The following BBIP1 variants were observed in gnomAD, a reference collection of about 807,000 sequenced individuals.
The protein encoded by BBIP1 is BBSome interacting protein 1, also known as BBSome-interacting protein 1.
BBIP1 carries 6 observed loss-of-function variants against 8.9 expected under a neutral mutation model. That is an observed-to-expected ratio of 0.67 (90% CI 0.37 to 1.33). BBIP1 has a LOEUF of 1.33. Among genes scored for constraint, BBIP1 ranks in the 40% most tolerant of loss-of-function variants. The probability of loss-of-function intolerance (pLI) is 0.02; values close to 1 mark genes in which losing one functional copy is unlikely to be tolerated. For missense variants in BBIP1, 111 were observed against 109.2 expected, an observed-to-expected ratio of 1.02 and a Z score of -0.07; for synonymous variants, 32 against 33.4, an observed-to-expected ratio of 0.96 and a Z score of 0.14.
chr10:110,914,682 G>T (rs1211601459), intron 2 of BBIP1, among the ~76,000 whole-genome samples: 1 of 152,116 alleles, frequency 6.6e-6, no homozygotes, highest in Non-Finnish European at 1.5e-5. Context: ...GAAAAATGTT[G>T]CAACGTGTTC....
chr10:110,909,723 GTA>G (rs1846230332), intron 2 of BBIP1, among the ~76,000 whole-genome samples: 1 of 152,150 alleles, frequency 6.6e-6, no homozygotes, highest in Non-Finnish European at 1.5e-5. Flanking sequence ...GCTGTACCTT[GTA>G]TTCTATTTGG....
At chr10:110,904,897 T>G (rs1846092811) in intron 2 of BBIP1, 1 of 152,222 alleles carries the variant, frequency 6.6e-6, no homozygotes, top group South Asian at 2.1e-4. Flanking sequence ...AAAATGAAAT[T>G]ATTCTTACAT....
At chr10:110,904,620 A>G (rs1329500708) in intron 2 of BBIP1, 1 of 152,240 alleles carries the variant, frequency 6.6e-6, no homozygotes, top group Non-Finnish European at 1.5e-5. Context: ...AATATTTTGC[A>G]GTACTGTATC....
At chr10:110,916,527 C>T (rs1428325917) in intron 2 of BBIP1, among the ~76,000 whole-genome samples, 1 of 152,138 alleles carries the variant, frequency 6.6e-6, no homozygotes, top group African/African-American at 2.4e-5. Context: ...CATAAAAACA[C>T]CAGGACCAAT....
intron 2 of BBIP1, among the ~76,000 whole-genome samples, chr10:110,906,237 A>G (rs990938507): frequency 3.3e-5 from 5 of 152,104 alleles, no homozygotes; most frequent in African/African-American, 1.2e-4. Context: ...TGATCTCCTG[A>G]CCTCGTGATC....
chr10:110,912,347 A>G (rs1174755845), intron 2 of BBIP1: 6 of 152,136 alleles, frequency 3.9e-5, no homozygotes, highest in African/African-American at 1.4e-4. Flanking sequence ...TTAGAAATAT[A>G]CAACACTTTA....
chr10:110,911,010 A>C (rs1846263371), intron 2 of BBIP1: 1 of 152,206 alleles, frequency 6.6e-6, no homozygotes. Flanking sequence ...AGTCACTTAA[A>C]TTACTTGATT....
In BBIP1 at chr10:110,901,572, C is replaced by A; in HGVS notation, c.78G>T (p.Val26=). 6.5e-7 allele frequency: 1 copy of A among 1,535,684 alleles called. No homozygotes were observed. Among genetic ancestry groups the A allele is most frequent in the South Asian group, 1.2e-5 (1 of 84,060 alleles). ...TISNNSDMAE[V]KSMFREVLPK... ...GAAGAACTTCCCGGAACATTGACTT[C>A]ACTTCTGCCATATCTGAGTTGTTGG... Residue 26 remains valine, a synonymous_variant, in exon 3 of 4, where the codon GTG becomes GTT. Coordinates refer to ENST00000448814, the MANE Select transcript of BBIP1 (RefSeq NM_001195305.3).
chr10:110,911,338 T>C (rs749965602), intron 2 of BBIP1: 1 of 152,184 alleles, frequency 6.6e-6, no homozygotes, highest in Non-Finnish European at 1.5e-5. Context: ...TTAAGAGTTA[T>C]ATTAAAGGCA....
At chr10:110,908,761 A>G (rs1000962950) in intron 2 of BBIP1, among the ~76,000 whole-genome samples, 4 of 148,574 alleles carry the variant, frequency 2.7e-5, no homozygotes, top group African/African-American at 1.0e-4. Context: ...CACAAAGCAC[A>G]TGGTGCATTA....
chr10:110,911,353 T>G (rs1846271694), intron 2 of BBIP1: 1 of 152,190 alleles, frequency 6.6e-6, no homozygotes, highest in Non-Finnish European at 1.5e-5. Flanking sequence ...AAGGCAGACT[T>G]GTTTAAATGT....
intron 2 of BBIP1, among the ~76,000 whole-genome samples, chr10:110,917,442 G>GA (rs1045789399): frequency 1.3e-5 from 2 of 151,464 alleles, no homozygotes; most frequent in Non-Finnish European, 2.9e-5. Flanking sequence ...GGGGAGGAAT[G>GA]AAAAAAAATG....
rs772372446 is a variant in BBIP1, at chr10:110,901,295, TATTGTA to T, written c.112+237_112+242del. 41 of 497,460 alleles carry T rather than the reference TATTGTA, an allele frequency of 8.2e-5. 1 individual carries two copies. The highest frequency in any genetic ancestry group is 8.3e-4 in the Middle Eastern group (2 of 2,412). 30.8% of individuals were successfully genotyped at this position (497,460 alleles called of 1,614,324 possible). ...CAACCTGTCTCTTAAAAAAAATTCA[TATTGTA>T]ATTAGGAATTTTAGGAATTAGCTAA... is the stretch of plus-strand genomic sequence containing the variant. On this transcript the variant is annotated intron_variant, in intron 3 of 3. Transcript: ENST00000448814.
intron 2 of BBIP1, among the ~76,000 whole-genome samples, chr10:110,905,183 C>T (rs1846099054): frequency 6.6e-6 from 1 of 152,150 alleles, no homozygotes; most frequent in African/African-American, 2.4e-5. Context: ...AAATATTTTA[C>T]TCTGTTTTAG....
At chr10:110,901,099 A>G (rs987264342) in intron 3 of BBIP1, 1 of 454,218 alleles carries the variant, frequency 2.2e-6, no homozygotes, top group South Asian at 1.6e-5. Context: ...AGACCAGCCT[A>G]GGCAACACAT....
At chr10:110,908,981 G>C (rs1590753865) in intron 2 of BBIP1, among the ~76,000 whole-genome samples, 1 of 152,120 alleles carries the variant, frequency 6.6e-6, no homozygotes, top group East Asian at 1.9e-4. Context: ...AGGTGCAGGT[G>C]AAAAATGGGT....
chr10:110,900,257 T>C lies in BBIP1; in HGVS notation c.*103A>G, dbSNP rs1202640080. On this transcript the variant is annotated 3_prime_UTR_variant, in exon 4 of 4. Coordinates refer to ENST00000448814, the MANE Select transcript of BBIP1 (RefSeq NM_001195305.3). ...TTGTATTTCTATGAATACTATCAAT[T>C]TTATTGATAACACATACTACTTTCA... The C allele has an allele frequency of 3.7e-6, 4 of 1,086,218 alleles. No individual in the cohort carries two copies. Among genetic ancestry groups the C allele is most frequent in the East Asian group, 2.7e-5 (1 of 36,950 alleles). 67.3% of individuals were successfully genotyped at this position (1,086,218 alleles called of 1,614,324 possible).
chr10:110,918,409 G>A (rs1846488751), intron 1 of BBIP1, among the ~76,000 whole-genome samples, 196 bp from the exon 2 acceptor site: 1 of 152,236 alleles, frequency 6.6e-6, no homozygotes, highest in Admixed American at 6.5e-5. Context: ...GCAGGTGGCA[G>A]GGGAAAAAGA....
chr10:110,909,554 T>A (rs574094376), intron 2 of BBIP1, among the ~76,000 whole-genome samples: 1 of 152,336 alleles, frequency 6.6e-6, no homozygotes, highest in Admixed American at 6.5e-5. Flanking sequence ...GCAGGAGACC[T>A]ACAAGTGAAA....
Sources: allele counts gnomAD v4.1 joint callset (sites outside exome capture counted in the v4.1 genomes callset), GRCh38; gene constraint gnomAD v4.1.1; transcripts MANE v1.5; gene names NCBI Gene and HGNC (gene_info 2026-07-23, HGNC 2026-07-21).